ATP8B4: variants seen among roughly 807,000 people sequenced by gnomAD.
ATP8B4 encodes ATPase phospholipid transporting 8B4 (putative).
In ATP8B4, 133 loss-of-function variants were observed where a neutral mutation model predicts 145.6. The ratio of observed to expected loss-of-function variants is 0.91; its 90% CI spans 0.79 to 1.05. The LOEUF is 1.05. Ranked by LOEUF, ATP8B4 falls within the 50% of genes least tolerant of loss-of-function variation. The pLI is 0.00. For synonymous variants in ATP8B4, 507 were observed against 492.9 expected (o/e 1.03, Z -0.38); for missense variants, 1,458 against 1,425.2 (o/e 1.02, Z -0.37).
chr15:50,093,712 T>C (rs1279833975), intron 2 of ATP8B4, among the ~76,000 whole-genome samples: 1 of 151,992 alleles, frequency 6.6e-6, no homozygotes, highest in East Asian at 1.9e-4. Flanking sequence ...AAAGCCAAAG[T>C]TTATCAAACT....
chr15:50,113,470 A>C (rs2057046380), intron 1 of ATP8B4, among the ~76,000 whole-genome samples: 1 of 151,972 alleles, frequency 6.6e-6, no homozygotes, highest in South Asian at 2.1e-4. Context: ...GGAACTGTAC[A>C]AAAGTAGAAG....
intron 20 of ATP8B4, among the ~76,000 whole-genome samples, chr15:49,903,473 C>T (rs2038270123): frequency 6.6e-6 from 1 of 152,202 alleles, no homozygotes; most frequent in Non-Finnish European, 1.5e-5. Context: ...CATGTCACTA[C>T]AAGCACAGCA....
At chr15:50,091,927 T>C (rs1310388063) in intron 2 of ATP8B4, among the ~76,000 whole-genome samples, 1 of 152,126 alleles carries the variant, frequency 6.6e-6, no homozygotes, top group African/African-American at 2.4e-5. Context: ...CATAGCTACT[T>C]GAAGATCTCA....
intron 23 of ATP8B4, among the ~76,000 whole-genome samples, chr15:49,883,944 G>A (rs117804177): frequency 0.033 from 5,053 of 152,218 alleles, 124 homozygotes; most frequent in Non-Finnish European, 0.04. Flanking sequence ...TATGATATGT[G>A]ACATCACAGC....
At chr15:49,903,109 CT>C (rs1164544197) in intron 20 of ATP8B4, among the ~76,000 whole-genome samples, 2 of 152,168 alleles carry the variant, frequency 1.3e-5, no homozygotes, top group African/African-American at 4.8e-5. Flanking sequence ...TGCACTTTCT[CT>C]GTACAGGCCA....
chr15:50,027,975 C>T (rs2050139715), intron 6 of ATP8B4, among the ~76,000 whole-genome samples: 1 of 152,174 alleles, frequency 6.6e-6, no homozygotes, highest in African/African-American at 2.4e-5. Flanking sequence ...CTGTATTCTC[C>T]ATTAGAAAAT....
At chr15:49,917,491 G>C (rs1304226294) in intron 19 of ATP8B4, among the ~76,000 whole-genome samples, 2 of 150,724 alleles carry the variant, frequency 1.3e-5, no homozygotes, top group African/African-American at 4.9e-5. Context: ...TCAGTTGAAT[G>C]ACAAAAAAAA....
chr15:49,925,663 T>C (rs1262881867), intron 16 of ATP8B4, among the ~76,000 whole-genome samples: 1 of 152,158 alleles, frequency 6.6e-6, no homozygotes. Flanking sequence ...TTTGCAGCAG[T>C]ACAATTTTCT....
At chr15:50,168,648 T>C (rs1309914541) in intron 1 of ATP8B4, among the ~76,000 whole-genome samples, 2 of 152,244 alleles carry the variant, frequency 1.3e-5, no homozygotes, top group African/African-American at 4.8e-5. Flanking sequence ...AGTTAAACTT[T>C]GTGACAATTT....
chr15:50,132,686 A>G (rs2044064187), intron 1 of ATP8B4, among the ~76,000 whole-genome samples: 2 of 152,238 alleles, frequency 1.3e-5, no homozygotes. Flanking sequence ...CACTATTCAC[A>G]CTAGCAAAGA....
chr15:49,992,685 A>C (rs1343165389), intron 9 of ATP8B4, among the ~76,000 whole-genome samples: 1 of 152,128 alleles, frequency 6.6e-6, no homozygotes, highest in Non-Finnish European at 1.5e-5. Context: ...AAGGACAGAA[A>C]ATTGTAATTT....
At chr15:50,064,632 C>A (rs1013155542) in intron 3 of ATP8B4, among the ~76,000 whole-genome samples, 1 of 152,020 alleles carries the variant, frequency 6.6e-6, no homozygotes, top group African/African-American at 2.4e-5. Context: ...AATAAACCTG[C>A]AAATTGTATA....
intron 14 of ATP8B4, among the ~76,000 whole-genome samples, chr15:49,936,722 TA>T (rs1225107836): frequency 5.1e-5 from 7 of 136,586 alleles, no homozygotes; most frequent in African/African-American, 1.9e-4. Context: ...TCCTCTTCAT[TA>T]TTTTTTGGTT....
intron 12 of ATP8B4, among the ~76,000 whole-genome samples, chr15:49,978,746 A>G (rs2045892682): frequency 1.1e-5 from 1 of 94,660 alleles, no homozygotes; most frequent in Non-Finnish European, 2.2e-5. Context: ...AAATACACAC[A>G]CACACACACA....
rs1385493588 is a variant in ATP8B4 at position 49,979,835 on chromosome 15, G to A, written c.838-22C>T. On this transcript the variant is annotated intron_variant, in intron 11 of 27. Transcript: ENST00000284509. The stretch of plus-strand genomic sequence containing the variant: ...AAATCTGAAATAAGATAGAAGTGTG[G>A]TTAAGGTTAACTTGAACTCAAAATT... 2.7e-6 allele frequency: 4 copies of A among 1,501,440 alleles called. No homozygotes were observed. In the African/African-American group the frequency reaches 5.6e-5, roughly 21 times the overall value. 93.0% of individuals were successfully genotyped at this position (1,501,440 alleles called of 1,614,324 possible).
chr15:49,887,367 A>C, intron 23 of ATP8B4, among the ~76,000 whole-genome samples: 1 of 145,120 alleles, frequency 6.9e-6, no homozygotes, highest in African/African-American at 2.5e-5. Flanking sequence ...CCCACCCAAC[A>C]CAGGTTGACC....
chr15:49,977,417 C>CT (rs956376476), intron 12 of ATP8B4, among the ~76,000 whole-genome samples: 28 of 151,992 alleles, frequency 1.8e-4, no homozygotes, highest in African/African-American at 6.3e-4. Context: ...ACTCTAGACT[C>CT]TTTTTTTTCT....
chr15:49,920,132 A>T, intron 18 of ATP8B4, 114 bp downstream of exon 18: 1 of 1,320,888 alleles, frequency 7.6e-7, no homozygotes, highest in Non-Finnish European at 1.0e-6. Flanking sequence ...TGATTGAAAG[A>T]GAAACATCTG....
intron 6 of ATP8B4, among the ~76,000 whole-genome samples, chr15:50,036,243 A>G (rs1375038843): frequency 6.6e-6 from 1 of 152,154 alleles, no homozygotes; most frequent in Non-Finnish European, 1.5e-5. Context: ...AAGCCAAGCA[A>G]GAGCGTGATT....
Sources: gnomAD v4.1 joint callset for allele counts (sites outside exome capture counted in the v4.1 genomes callset) on GRCh38, gnomAD v4.1.1 for gene constraint, MANE v1.5 for transcripts, NCBI Gene and HGNC (gene_info 2026-07-23, HGNC 2026-07-21) for gene names.